The following COMMD1 variants were observed in gnomAD, a reference collection of about 807,000 sequenced individuals.
The protein encoded by COMMD1 is copper metabolism domain containing 1.
COMMD1 carries 10 observed loss-of-function variants against 17.2 expected under a neutral mutation model. The ratio of observed to expected loss-of-function variants is 0.58; its 90% confidence interval spans 0.36 to 0.99. The LOEUF (loss-of-function observed/expected upper bound fraction) is 0.99, where lower values mean the gene tolerates loss of function less well. Ranked by LOEUF, COMMD1 falls within the 50% of genes least tolerant of loss-of-function variation. The pLI is 0.01. For missense variants in COMMD1, 270 were observed against 231.8 expected (o/e 1.17, Z -1.07); for synonymous variants, 97 against 91.6 (o/e 1.06, Z -0.34).
chr2:62,129,933 T>C (rs867620322), intron 2 of COMMD1, among the ~76,000 whole-genome samples: 2 of 152,204 alleles, frequency 1.3e-5, no homozygotes, highest in Middle Eastern at 3.4e-3. Context: ...CCCAGCACTT[T>C]GGGAGGCCGA....
intron 2 of COMMD1, among the ~76,000 whole-genome samples, chr2:62,085,853 C>T (rs1359139742): frequency 6.6e-6 from 1 of 151,982 alleles, no homozygotes; most frequent in Non-Finnish European, 1.5e-5. Flanking sequence ...TGGTGGCGGG[C>T]GCCTGTCCCA....
intron 2 of COMMD1, among the ~76,000 whole-genome samples, chr2:62,011,610 T>G (rs896923584): frequency 1.3e-5 from 2 of 152,140 alleles, no homozygotes; most frequent in East Asian, 1.9e-4. Flanking sequence ...CTATAAAGCA[T>G]CTCCTATGTG....
chr2:62,134,724 G>A (rs1201367561), intron 2 of COMMD1, among the ~76,000 whole-genome samples: 6 of 152,020 alleles, frequency 3.9e-5, no homozygotes, highest in Non-Finnish European at 7.4e-5. Context: ...GCTACAGTGA[G>A]CTATGATCAT....
At chr2:61,998,604 T>G (rs1321998352) in intron 1 of COMMD1, among the ~76,000 whole-genome samples, 1 of 152,202 alleles carries the variant, frequency 6.6e-6, no homozygotes, top group Admixed American at 6.5e-5. Flanking sequence ...GAGTAGCACT[T>G]TTAATTTCTT....
At chr2:61,946,620 A>G (rs944882188) in intron 1 of COMMD1, among the ~76,000 whole-genome samples, 1 of 152,178 alleles carries the variant, frequency 6.6e-6, no homozygotes, top group East Asian at 1.9e-4. Flanking sequence ...TTACTACACT[A>G]TTACTATTTA....
chr2:61,920,982 T>TATA lies in COMMD1; in HGVS notation c.180+15124_180+15125insATA, dbSNP rs1553367990. Among the ~76,000 whole-genome samples, 843 of 108,532 alleles carry TATA rather than the reference T, an allele frequency of 7.8e-3. 8 individuals are homozygous for TATA. Among genetic ancestry groups the TATA allele is most frequent in the East Asian group, 0.019 (66 of 3,516 alleles). The allele number at this position is 108,532 out of a possible 152,430, so 71.2% of individuals were successfully genotyped here. A position where few individuals can be genotyped will look rare whatever the true frequency, so the allele number is the denominator to read the frequency against. ...ATATGTGTGTATATATATATATATATTTTTTTTTTTTTTGAGACAGAGCCT... is the reference window on the plus strand; with the variant it reads ...ATATGTGTGTATATATATATATATATATATTTTTTTTTTTTTGAGACAGAGCCT... On this transcript the variant is annotated intron_variant, in intron 1 of 2. Transcript: ENST00000311832.
intron 2 of COMMD1, among the ~76,000 whole-genome samples, chr2:62,071,270 A>G (rs1671192003): frequency 6.6e-6 from 1 of 152,104 alleles, no homozygotes; most frequent in Non-Finnish European, 1.5e-5. Context: ...TGCTGGTGAG[A>G]GTGTCTTTTA....
At chr2:62,055,533 T>G in intron 2 of COMMD1, 1 of 452,524 alleles carries the variant, frequency 2.2e-6, no homozygotes, top group Non-Finnish European at 4.4e-6. Context: ...CAAAACTGCT[T>G]TGCCACATGG....
intron 1 of COMMD1, among the ~76,000 whole-genome samples, chr2:61,894,685 A>T (rs538643285): frequency 4.0e-5 from 6 of 150,220 alleles, no homozygotes; most frequent in Admixed American, 3.3e-4. Context: ...ATATTTATAT[A>T]TTTTTTAATT....
chr2:61,983,688 T>C (rs1672021627), intron 1 of COMMD1, among the ~76,000 whole-genome samples: 1 of 152,152 alleles, frequency 6.6e-6, no homozygotes, highest in African/African-American at 2.4e-5. Flanking sequence ...GTTGTAATGT[T>C]TTCTTTTTTT....
intron 2 of COMMD1, among the ~76,000 whole-genome samples, chr2:62,042,695 C>T (rs116345084): frequency 0.039 from 5,993 of 152,246 alleles, 299 homozygotes; most frequent in African/African-American, 0.11. Flanking sequence ...GCAGCCAGAG[C>T]GGATGCCGAG....
intron 1 of COMMD1, among the ~76,000 whole-genome samples, chr2:61,994,114 G>A (rs1192846201): frequency 1.3e-5 from 2 of 152,132 alleles, no homozygotes; most frequent in Non-Finnish European, 2.9e-5. Context: ...GGCCTCTCGA[G>A]TAGGTGGGAT....
chr2:62,039,178 C>G (rs761999477), intron 2 of COMMD1, among the ~76,000 whole-genome samples: 7 of 152,182 alleles, frequency 4.6e-5, no homozygotes, highest in Non-Finnish European at 1.0e-4. Context: ...TGTTAAGTTA[C>G]TCTGTAGTTG....
chr2:61,896,814 C>CTTTCCTT (rs1558513560), intron 1 of COMMD1, among the ~76,000 whole-genome samples: 3 of 146,264 alleles, frequency 2.1e-5, no homozygotes, highest in East Asian at 2.0e-4. Context: ...GTTCTTTTTC[C>CTTTCCTT]TTTTCTTTTT....
intron 2 of COMMD1, among the ~76,000 whole-genome samples, chr2:62,076,622 C>T (rs1164187403): frequency 6.6e-6 from 1 of 152,182 alleles, no homozygotes; most frequent in Non-Finnish European, 1.5e-5. Flanking sequence ...TGGTGGGCAC[C>T]TGTAATCCTA....
rs556485083 is a variant in COMMD1, at chr2:61,988,790, A to C, written c.181-11911A>C. ...GCCTTTTGTTTATTGAGGACCCCAC[A>C]GCTCTTTAGCTTTCTGTGGTGAGGC... On this transcript the variant is annotated intron_variant, in intron 1 of 2. Transcript: ENST00000311832. 3.9e-5 allele frequency among the ~76,000 whole-genome samples: 6 copies of C among 152,268 alleles called. No homozygotes were observed. In the South Asian group the frequency reaches 8.3e-4, roughly 21 times the overall value.
At chr2:61,989,008 C>T (rs10184011) in intron 1 of COMMD1, among the ~76,000 whole-genome samples, 1 of 152,000 alleles carries the variant, frequency 6.6e-6, no homozygotes, top group African/African-American at 2.4e-5. Flanking sequence ...CTGCTGCTAG[C>T]GGATGGGGGA....
chr2:62,032,672 C>T (rs960425439), intron 2 of COMMD1, among the ~76,000 whole-genome samples: 3 of 152,208 alleles, frequency 2.0e-5, no homozygotes, highest in African/African-American at 7.2e-5. Context: ...TCATACATCC[C>T]TATAGATTTC....
chr2:61,970,173 G>A (rs1011165562), intron 1 of COMMD1, among the ~76,000 whole-genome samples: 4 of 151,254 alleles, frequency 2.6e-5, no homozygotes, highest in Non-Finnish European at 4.4e-5. Flanking sequence ...CAGGGGAATC[G>A]CTTGAACCTG....
Sources: allele counts gnomAD v4.1 joint callset (sites outside exome capture counted in the v4.1 genomes callset), GRCh38; gene constraint gnomAD v4.1.1; transcripts MANE v1.5; gene names NCBI Gene and HGNC (gene_info 2026-07-23, HGNC 2026-07-21).